Variants in LHB observed in about 807,000 individuals in gnomAD.
LHB encodes the protein lutropin subunit beta.
Under a neutral mutation model 10.6 loss-of-function variants are expected in LHB, and 11 were observed. That is an observed-to-expected ratio of 1.04 (90% CI 0.66 to 1.72). LHB has a LOEUF of 1.72. Among genes scored for constraint, LHB ranks in the 40% most tolerant of loss-of-function variants. The probability of loss-of-function intolerance (pLI) is 0.00; values close to 1 mark genes in which losing one functional copy is unlikely to be tolerated. For missense variants in LHB, 184 were observed against 197.3 expected, an observed-to-expected ratio of 0.93 and a Z score of 0.41; for synonymous variants, 86 against 83.1, an observed-to-expected ratio of 1.03 and a Z score of -0.19.
upstream of LHB, chr19:49,017,195 G>A (rs977210816): frequency 6.5e-7 from 1 of 1,544,802 alleles, no homozygotes; most frequent in African/African-American, 1.4e-5. Context: ...AATCCCCCCG[G>A]GGGCGAGAGG....
chr19:49,018,205 G>T, upstream of LHB: 1 of 504,152 alleles, frequency 2.0e-6, no homozygotes, highest in Non-Finnish European at 3.1e-6. Context: ...GCGGCACGCG[G>T]ACCCGCGGTG....
upstream of LHB, chr19:49,017,096 C>T: frequency 1.2e-6 from 2 of 1,613,972 alleles, no homozygotes; most frequent in East Asian, 2.2e-5. Context: ...GGTGCATCCC[C>T]TGCCTCGTGT....
intron 1 of LHB, 68 bp from the exon 2 acceptor site, chr19:49,016,782 C>A: frequency 6.2e-7 from 1 of 1,602,754 alleles, no homozygotes; most frequent in Non-Finnish European, 8.5e-7. Context: ...TCCCATCCCG[C>A]GTGGTACACC....
intron 1 of LHB, 65 bp downstream of exon 1, chr19:49,017,002 C>A: frequency 6.2e-7 from 1 of 1,612,598 alleles, no homozygotes; most frequent in African/African-American, 1.3e-5. Flanking sequence ...CACGGGTCTG[C>A]CCCTTCTCAT....
Position 49,017,075 on chromosome 19 carries a change from T to G in LHB, c.7A>C (p.Met3Leu). 1 of 1,613,868 alleles carries G rather than the reference T, an allele frequency of 6.2e-7. No homozygotes were observed. The highest frequency in any genetic ancestry group is 8.5e-7 in the Non-Finnish European group (1 of 1,179,842). The change falls in exon 1 of 3, where the codon ATG becomes CTG. Residue 3 changes from methionine (M) to leucine (L), a missense_variant. Met to Leu is a conservative substitution (Grantham distance 15, BLOSUM62 2). Coordinates refer to ENST00000649238, the MANE Select transcript of LHB (RefSeq NM_000894.3). ME[M>L]LQGLLLLLLL... ...GGGCCCTGTAGTCTTACCTGGAGCA[T>G]CTCCATCCTTGGTGCATCCCCTGCC...
chr19:49,019,089 C>G (rs1470847191), upstream of LHB: 1 of 1,447,214 alleles, frequency 6.9e-7, no homozygotes. Flanking sequence ...AATCCCTCTC[C>G]TTCGGCCTCG....
chr19:49,019,110 C>G, upstream of LHB: 1 of 1,434,560 alleles, frequency 7.0e-7, no homozygotes, highest in Non-Finnish European at 9.1e-7. Flanking sequence ...ACAGCCATGA[C>G]GGCCACGGCC....
chr19:49,019,064 G>C, upstream of LHB: 1 of 1,468,350 alleles, frequency 6.8e-7, no homozygotes, highest in South Asian at 1.3e-5. Context: ...CCCAAGCCCT[G>C]GGTCCCGAGT....
At chr19:49,017,185 A>C, upstream of LHB, 1 of 1,572,758 alleles carries the variant, frequency 6.4e-7, no homozygotes, top group Non-Finnish European at 8.7e-7. Context: ...CCTGGACACT[A>C]ATCCCCCCGG....
In LHB at chr19:49,016,127, GACCCCC is replaced by G; in HGVS notation, c.361_366del (p.Gly121_Gly122del). On this transcript the variant is annotated inframe_deletion, in exon 3 of 3. Transcript: ENST00000649238. ...TCACAGGTCAAGGGGTGGTCTTTGG[GACCCCC>G]ACAGTCAGAGGTGCTGCGGCGGCAG... is the stretch of plus-strand genomic sequence containing the variant. 1 of 1,612,882 alleles carries G rather than the reference GACCCCC, an allele frequency of 6.2e-7. No individual in the cohort carries two copies. The highest frequency in any genetic ancestry group is 8.5e-7 in the Non-Finnish European group (1 of 1,180,028).
upstream of LHB, chr19:49,019,103 G>A: frequency 7.0e-7 from 1 of 1,437,580 alleles, no homozygotes; most frequent in Non-Finnish European, 9.1e-7. Context: ...GGCCTCGACA[G>A]CCATGACGGC....
At chr19:49,016,790 A>C (rs2039562316) in intron 1 of LHB, 76 bp from the exon 2 acceptor site, 1 of 1,601,080 alleles carries the variant, frequency 6.2e-7, no homozygotes, top group African/African-American at 1.3e-5. Context: ...CGCGTGGTAC[A>C]CCACCCACAA....
chr19:49,016,514 G>A, intron 2 of LHB, 33 bp downstream of exon 2: 2 of 1,560,348 alleles, frequency 1.3e-6, no homozygotes, highest in South Asian at 2.2e-5. Flanking sequence ...GCCCTGAGGT[G>A]GCAGCATCTG....
rs1800447 is a variant in LHB, at chr19:49,016,648, A to G, written c.82T>C (p.Trp28Arg). 121,677 of 1,608,732 alleles carry G rather than the reference A, an allele frequency of 0.076. 5,114 individuals are homozygous for G. The highest frequency in any genetic ancestry group is 0.084 in the Middle Eastern group (417 of 4,976). ...AGGATGGCATTGATGGGGTGGCACC[A>G]TGGCCGAAGCGGCTCCCTGGATGCC... is the stretch of plus-strand genomic sequence containing the variant. ...AWASREPLRPWCHPINAILAV... is the reference protein window; with the variant it reads ...AWASREPLRPRCHPINAILAV... Residue 28 changes from tryptophan (W) to arginine (R), a missense_variant, in exon 2 of 3, where the codon TGG becomes CGG. By Grantham distance (101) the Trp-to-Arg change is moderately radical (BLOSUM62 -3). Coordinates refer to ENST00000649238, the MANE Select transcript of LHB (RefSeq NM_000894.3).
upstream of LHB, chr19:49,018,848 G>A (rs1284013230): frequency 1.2e-4 from 187 of 1,515,364 alleles, no homozygotes; most frequent in Non-Finnish European, 1.5e-4. Flanking sequence ...TGCAGGAGGC[G>A]GTGCCGAGCG....
chr19:49,016,843 C>T (rs2039563803), intron 1 of LHB, 129 bp from the exon 2 acceptor site: 15 of 1,571,724 alleles, frequency 9.5e-6, no homozygotes, highest in Non-Finnish European at 1.2e-5. Flanking sequence ...CAGGACCCAC[C>T]ACCCGGACAC....
chr19:49,016,806 C>T (rs2039562744), intron 1 of LHB, 92 bp from the exon 2 acceptor site: 4 of 1,598,306 alleles, frequency 2.5e-6, no homozygotes, highest in South Asian at 1.1e-5. Context: ...CACAAAGACC[C>T]AGAGACCCTT....
upstream of LHB, chr19:49,017,548 T>C (rs1392175115): frequency 3.6e-6 from 4 of 1,096,410 alleles, no homozygotes; most frequent in Non-Finnish European, 4.4e-6. Context: ...AGAGAGGGTC[T>C]CCCCGTGACT....
intron 1 of LHB, 128 bp from the exon 2 acceptor site, chr19:49,016,842 C>A: frequency 1.9e-6 from 3 of 1,573,540 alleles, no homozygotes; most frequent in Non-Finnish European, 2.6e-6. Flanking sequence ...TCAGGACCCA[C>A]CACCCGGACA....
Sources: gnomAD v4.1 joint callset for allele counts on GRCh38, gnomAD v4.1.1 for gene constraint, MANE v1.5 for transcripts, NCBI Gene and HGNC (gene_info 2026-07-23, HGNC 2026-07-21) for gene names.